Variants in DNAH17 observed in about 807,000 individuals in gnomAD.
DNAH17 encodes the protein axonemal beta dynein heavy chain 17.
DNAH17 carries 376 observed loss-of-function variants against 485.6 expected under a neutral mutation model. The ratio of observed to expected loss-of-function variants is 0.77; its 90% CI spans 0.71 to 0.84. DNAH17 has a LOEUF of 0.84. Among genes scored for constraint, DNAH17 ranks in the 40% least tolerant of loss-of-function variants. The probability of loss-of-function intolerance (pLI) is 0.00; values close to 1 mark genes in which losing one functional copy is unlikely to be tolerated. For missense variants in DNAH17, 6,370 were observed against 5,839.3 expected (o/e 1.09, Z -2.96); for synonymous variants, 3,031 against 2,405.9 (o/e 1.26, Z -7.60).
In DNAH17 at chr17:78,507,554, C is replaced by G. The variant is rs749003157; in HGVS notation, c.4488G>C (p.Trp1496Cys). ...ISIWFEVQRT[W>C]SHLESIFIGS... Reference sequence around the variant, plus strand: ...CGATGAAGATGCTCTCCAGGTGGCTCCAGGTTCGCTGGACCTCAAACCAGA... The same window carrying G: ...CGATGAAGATGCTCTCCAGGTGGCTGCAGGTTCGCTGGACCTCAAACCAGA... The change falls in exon 28 of 81, where the codon TGG becomes TGC. Residue 1496 changes from tryptophan (W) to cysteine (C), a missense_variant. By Grantham distance (215) the Trp-to-Cys change is radical. Transcript: ENST00000389840. 3 of 1,614,028 alleles carry G rather than the reference C, an allele frequency of 1.9e-6. No homozygotes were observed. Among genetic ancestry groups the G allele is most frequent in the East Asian group, 4.5e-5 (2 of 44,890 alleles).
chr17:78,469,579 G>C (rs776892197), intron 54 of DNAH17, among the ~76,000 whole-genome samples: 7 of 152,168 alleles, frequency 4.6e-5, no homozygotes, highest in Non-Finnish European at 8.8e-5. Flanking sequence ...GCAAGACCTT[G>C]TCTCTAAGGA....
intron 52 of DNAH17, 79 bp from the exon 53 acceptor site, chr17:78,475,912 T>C: frequency 2.0e-6 from 3 of 1,501,582 alleles, no homozygotes; most frequent in Middle Eastern, 1.7e-4. Context: ...AATTCAGTAC[T>C]TTGCCAAGGT....
At chr17:78,560,099 T>TCA (rs1212307106) in intron 13 of DNAH17, among the ~76,000 whole-genome samples, 1 of 152,154 alleles carries the variant, frequency 6.6e-6, no homozygotes, top group African/African-American at 2.4e-5. Flanking sequence ...TGCTAGCTGA[T>TCA]CATCCTCCCC....
intron 22 of DNAH17, among the ~76,000 whole-genome samples, 179 bp downstream of exon 22, chr17:78,529,293 G>A (rs777034297): frequency 6.6e-6 from 1 of 152,070 alleles, no homozygotes; most frequent in South Asian, 2.1e-4. Flanking sequence ...CAGTCCCCAG[G>A]GTCTCCTGTC....
chr17:78,444,824 G>A (rs758283552), intron 70 of DNAH17, 27 bp from the exon 71 acceptor site: 2 of 1,538,914 alleles, frequency 1.3e-6, no homozygotes, highest in South Asian at 1.3e-5. Context: ...CGGGCCCTGT[G>A]ACTCTTCCCA....
chr17:78,501,328 G>A lies in DNAH17; in HGVS notation c.5339C>T (p.Ala1780Val), dbSNP rs1013021227. ...MIVAKVESSQ[A>V]FTWQAQLRHR... is the part of the protein sequence containing the mutation. Reference sequence around the variant, plus strand: ...CCGGAGCTGGGCCTGCCAGGTGAAGGCCTGAGAACTCTCCACCTGCAGGAT... The same window carrying A: ...CCGGAGCTGGGCCTGCCAGGTGAAGACCTGAGAACTCTCCACCTGCAGGAT... The change falls in exon 35 of 81, where the codon GCC becomes GTC. Residue 1780 changes from alanine to valine, a missense_variant. Transcript: ENST00000389840. 7.5e-6 allele frequency: 12 copies of A among 1,595,914 alleles called. No homozygotes were observed. Among genetic ancestry groups the A allele is most frequent in the Admixed American group, 3.4e-5 (2 of 59,626 alleles).
chr17:78,434,906 G>A (rs1358294126), intron 74 of DNAH17, among the ~76,000 whole-genome samples: 1 of 152,226 alleles, frequency 6.6e-6, no homozygotes, highest in Non-Finnish European at 1.5e-5. Context: ...TGTGGGGGGA[G>A]GGCTTCAGGC....
intron 57 of DNAH17, among the ~76,000 whole-genome samples, chr17:78,462,155 G>A (rs1296316798): frequency 6.6e-6 from 1 of 151,896 alleles, no homozygotes; most frequent in Non-Finnish European, 1.5e-5. Flanking sequence ...TTGGATGACA[G>A]AGCGAGACTC....
rs1371868792 is a variant in DNAH17 at position 78,492,740 on chromosome 17, T to C, written c.6434A>G (p.Tyr2145Cys). 3 of 1,612,616 alleles carry C rather than the reference T, an allele frequency of 1.9e-6. No homozygotes were observed. Among genetic ancestry groups the C allele is most frequent in the East Asian group, 2.2e-5 (1 of 44,840 alleles). ...SQVLKSLNKTYQNLKRKPVAV... is the reference protein window; with the variant it reads ...SQVLKSLNKTCQNLKRKPVAV... ...GACCGGCTTCCTCTTCAGGTTCTGATAGGTCTTGTTGAGGGATTTGAGGAC... is the reference window on the plus strand; with the variant it reads ...GACCGGCTTCCTCTTCAGGTTCTGACAGGTCTTGTTGAGGGATTTGAGGAC... Residue 2145 changes from tyrosine (Y) to cysteine (C), a missense_variant, in exon 42 of 81, where the codon TAT becomes TGT. Physicochemically the swap from Tyr to Cys is radical, Grantham distance 194 (BLOSUM62 -2). Transcript: ENST00000389840.
chr17:78,436,849 CA>C (rs932387664), intron 74 of DNAH17, among the ~76,000 whole-genome samples: 3 of 1,764 alleles, frequency 1.7e-3, no homozygotes, highest in African/African-American at 1.9e-3. Flanking sequence ...CATCTCCAAA[CA>C]AACAAACAAA....
chr17:78,456,970 G>C (rs527412640), intron 62 of DNAH17, among the ~76,000 whole-genome samples: 7 of 152,344 alleles, frequency 4.6e-5, no homozygotes, highest in African/African-American at 1.4e-4. Flanking sequence ...TCCCCTGTGA[G>C]AACAGGAAAG....
At chr17:78,464,171 C>CT (rs1568091997) in intron 56 of DNAH17, among the ~76,000 whole-genome samples, 1 of 151,966 alleles carries the variant, frequency 6.6e-6, no homozygotes, top group East Asian at 1.9e-4. Flanking sequence ...CTCATCCCCC[C>CT]TACTGAGTTG....
At chr17:78,540,742 A>AGTGG (rs1197402234) in intron 17 of DNAH17, among the ~76,000 whole-genome samples, 1 of 436 alleles carries the variant, frequency 2.3e-3, no homozygotes, top group Admixed American at 0.028. Flanking sequence ...TAGATGGGTG[A>AGTGG]GTGGGTGGGT....
At chr17:78,510,755 C>CCCA (rs200026170) in intron 26 of DNAH17, 5 of 379,224 alleles carry the variant, frequency 1.3e-5, no homozygotes, top group Non-Finnish European at 1.9e-5. Context: ...ATTGCGGCCC[C>CCCA]CCCGCAAAAT....
chr17:78,530,203 T>G lies in DNAH17; in HGVS notation c.3284+140A>C. ...ACCTTTCTGCTCACGCTTGGTGGGG[T>G]AGTTGGCCTTGAAGCCCAGCCTCCA... On this transcript the variant is annotated intron_variant, in intron 21 of 80. Coordinates refer to ENST00000389840, the MANE Select transcript of DNAH17 (RefSeq NM_173628.4). 8.4e-6 allele frequency: 8 copies of G among 946,978 alleles called. No homozygotes were observed. In the South Asian group the frequency reaches 1.2e-4, roughly 15 times the overall value. 58.7% of individuals were successfully genotyped at this position (946,978 alleles called of 1,614,324 possible).
intron 48 of DNAH17, among the ~76,000 whole-genome samples, chr17:78,482,935 TAAAC>T (rs956897295): frequency 4.6e-5 from 7 of 152,136 alleles, no homozygotes; most frequent in East Asian, 1.9e-4. Flanking sequence ...GCAAAAATCT[TAAAC>T]AAATTTTACA....
rs60587420 is a variant in DNAH17, at chr17:78,553,283, G to GTTTTTTT, written c.2179-485_2179-479dup. Among the ~76,000 whole-genome samples the GTTTTTTT allele has an allele frequency of 2.7e-3, 136 of 51,030 alleles. 25 individuals carry two copies. The highest frequency in any genetic ancestry group is 3.5e-3 in the Non-Finnish European group (101 of 28,884). 33.5% of individuals were successfully genotyped at this position (51,030 alleles called of 152,430 possible). A position where few individuals can be genotyped will look rare whatever the true frequency, so the allele number is the denominator to read the frequency against. ...AAATTACCCAGTCCCAGGTTTTTGT[G>GTTTTTTT]TTTTTTTTTTTTTTTTTTTTTTTTT... On this transcript the variant is annotated intron_variant, in intron 14 of 80. Coordinates refer to ENST00000389840, the MANE Select transcript of DNAH17 (RefSeq NM_173628.4).
In DNAH17 at chr17:78,558,174, G is replaced by C; in HGVS notation, c.2112C>G (p.Phe704Leu). Reference protein sequence around the residue: ...KEIPDSAESLFSENETFRKFV... With the variant: ...KEIPDSAESLLSENETFRKFV... ...ACTTCCGGAAAGTTTCGTTCTCTGA[G>C]AACAGACTCTCCGCACTGTCTGGAA... The change falls in exon 14 of 81, where the codon TTC becomes TTG. Residue 704 changes from phenylalanine to leucine, a missense_variant. Coordinates refer to ENST00000389840, the MANE Select transcript of DNAH17 (RefSeq NM_173628.4). 1 of 1,613,822 alleles carries C rather than the reference G, an allele frequency of 6.2e-7. No individual in the cohort carries two copies. The highest frequency in any genetic ancestry group is 1.1e-5 in the South Asian group (1 of 91,028).
At chr17:78,543,337 G>A (rs991490262) in intron 17 of DNAH17, among the ~76,000 whole-genome samples, 25 of 148,094 alleles carry the variant, frequency 1.7e-4, no homozygotes, top group African/African-American at 5.5e-4. Context: ...AAGCCGGACT[G>A]CGGATTGCAG....
Sources: allele counts gnomAD v4.1 joint callset (sites outside exome capture counted in the v4.1 genomes callset), GRCh38; gene constraint gnomAD v4.1.1; transcripts MANE v1.5; gene names NCBI Gene and HGNC (gene_info 2026-07-23, HGNC 2026-07-21).